COL19A1: variants seen among roughly 807,000 people sequenced by gnomAD.
The protein encoded by COL19A1 is collagen alpha-1(XIX) chain.
A neutral mutation model predicts 190.2 loss-of-function variants in COL19A1; 159 were observed. The observed-to-expected ratio is 0.84, with a 90% confidence interval of 0.73 to 0.95. COL19A1 has a LOEUF of 0.95. Ranked by LOEUF, COL19A1 falls within the 40% of genes least tolerant of loss-of-function variation. The pLI is 0.00. For synonymous variants in COL19A1, 509 were observed against 458.9 expected, an observed-to-expected ratio of 1.11 and a Z score of -1.39; for missense variants, 1,418 against 1,431.9, an observed-to-expected ratio of 0.99 and a Z score of 0.16.
chr6:70,137,220 T>C (rs1432374532), intron 18 of COL19A1, among the ~76,000 whole-genome samples: 1 of 152,118 alleles, frequency 6.6e-6, no homozygotes, highest in African/African-American at 2.4e-5. Flanking sequence ...TGGAAACAGC[T>C]GAGAGACTCG....
At chr6:69,984,187 G>A (rs1776193641) in intron 11 of COL19A1, among the ~76,000 whole-genome samples, 1 of 152,030 alleles carries the variant, frequency 6.6e-6, no homozygotes, top group Non-Finnish European at 1.5e-5. Flanking sequence ...GTGGTTATAA[G>A]GAGAACTACA....
Position 70,211,786 on chromosome 6 carries a change from T to C in COL19A1, c.*4512T>C, listed in dbSNP as rs189071078. ...AGAGTAACTGATCAATTTGGTTAAATTGAATGAAGAACCAAGTGAACACAG... is the reference window on the plus strand; with the variant it reads ...AGAGTAACTGATCAATTTGGTTAAACTGAATGAAGAACCAAGTGAACACAG... On this transcript the variant is annotated 3_prime_UTR_variant, in exon 51 of 51. Coordinates refer to ENST00000620364, the MANE Select transcript of COL19A1 (RefSeq NM_001858.6). Among the ~76,000 whole-genome samples the C allele has an allele frequency of 2.6e-3, 392 of 152,036 alleles. 2 individuals are homozygous for C. Among genetic ancestry groups the C allele is most frequent in the South Asian group, 0.019 (92 of 4,806 alleles).
At chr6:70,033,266 A>G (rs1033294917) in intron 12 of COL19A1, among the ~76,000 whole-genome samples, 6 of 152,080 alleles carry the variant, frequency 3.9e-5, no homozygotes, top group Non-Finnish European at 5.9e-5. Flanking sequence ...TGTTGAGTAC[A>G]GGTGATGGCA....
At chr6:70,142,656 T>A in intron 22 of COL19A1, 111 bp from the exon 23 acceptor site, 1 of 842,642 alleles carries the variant, frequency 1.2e-6, no homozygotes, top group Non-Finnish European at 1.8e-6. Context: ...TGGTGGAAAG[T>A]TGGTCTTCCT....
chr6:70,168,692 T>C lies in COL19A1; in HGVS notation c.2568+11T>C, dbSNP rs374178475. On this transcript the variant is annotated intron_variant, in intron 40 of 50. Coordinates refer to ENST00000620364, the MANE Select transcript of COL19A1 (RefSeq NM_001858.6). ...GATCCTGGCCCAGTGGTATGAATGT[T>C]CCCATGTTTTGTGTCATTTAGAATA... 5 of 1,612,688 alleles carry C rather than the reference T, an allele frequency of 3.1e-6. No homozygotes were observed. The highest frequency in any genetic ancestry group is 2.7e-5 in the African/African-American group (2 of 74,874).
At chr6:70,132,089 G>A (rs2093376) in intron 18 of COL19A1, among the ~76,000 whole-genome samples, 42,325 of 152,018 alleles carry the variant, frequency 0.28, 6,724 homozygotes, top group African/African-American at 0.42. Flanking sequence ...ACAGGAAATT[G>A]CCAATAAACA....
intron 11 of COL19A1, among the ~76,000 whole-genome samples, chr6:69,997,712 A>C (rs1777003815): frequency 6.6e-6 from 1 of 152,156 alleles, no homozygotes; most frequent in Admixed American, 6.5e-5. Context: ...GAAAAATAAT[A>C]ATGAAAAATG....
intron 46 of COL19A1, among the ~76,000 whole-genome samples, chr6:70,185,955 C>T (rs1007394618): frequency 1.3e-5 from 2 of 152,118 alleles, no homozygotes; most frequent in African/African-American, 2.4e-5. Flanking sequence ...GATATTTGTA[C>T]GTATTTCCAT....
chr6:69,885,055 G>A (rs997816550), intron 2 of COL19A1, among the ~76,000 whole-genome samples: 33 of 151,986 alleles, frequency 2.2e-4, no homozygotes, highest in African/African-American at 7.7e-4. Context: ...GTAGAGATGG[G>A]GTTTCACCAT....
intron 12 of COL19A1, among the ~76,000 whole-genome samples, chr6:70,030,880 C>A (rs1291598737): frequency 6.6e-6 from 1 of 152,170 alleles, no homozygotes; most frequent in East Asian, 1.9e-4. Context: ...CAAGCCTGTC[C>A]CAGCCATCCT....
chr6:70,045,555 C>T (rs1310828100), intron 14 of COL19A1, among the ~76,000 whole-genome samples: 1 of 152,216 alleles, frequency 6.6e-6, no homozygotes, highest in African/African-American at 2.4e-5. Flanking sequence ...TGGCTTGACT[C>T]GCATAGCAAA....
chr6:70,008,633 A>G (rs1476477891), intron 11 of COL19A1, among the ~76,000 whole-genome samples: 1 of 151,868 alleles, frequency 6.6e-6, no homozygotes. Flanking sequence ...CCAATCCTAC[A>G]CATAATTTTT....
intron 11 of COL19A1, among the ~76,000 whole-genome samples, chr6:70,013,684 G>A (rs1172679287): frequency 9.7e-5 from 1 of 10,306 alleles, no homozygotes; most frequent in Non-Finnish European, 1.3e-4. Flanking sequence ...TCTCTGAATC[G>A]ACCAATAACA....
At chr6:69,927,146 T>A (rs1235769748) in intron 4 of COL19A1, among the ~76,000 whole-genome samples, 1 of 152,132 alleles carries the variant, frequency 6.6e-6, no homozygotes, top group African/African-American at 2.4e-5. Flanking sequence ...AACTAGACAG[T>A]AACTCAAATC....
chr6:69,963,385 G>T (rs1226015804), intron 11 of COL19A1, among the ~76,000 whole-genome samples: 1 of 152,172 alleles, frequency 6.6e-6, no homozygotes, highest in East Asian at 1.9e-4. Context: ...AAACCATAGG[G>T]ATTGTGCAGT....
chr6:69,973,581 A>G (rs1230396556), intron 11 of COL19A1, among the ~76,000 whole-genome samples: 1 of 151,892 alleles, frequency 6.6e-6, no homozygotes, highest in Non-Finnish European at 1.5e-5. Context: ...GTTTATACAC[A>G]CAGGGTTTTT....
chr6:69,987,054 G>A (rs755367712), intron 11 of COL19A1, among the ~76,000 whole-genome samples: 7 of 152,086 alleles, frequency 4.6e-5, no homozygotes, highest in Non-Finnish European at 8.8e-5. Context: ...CCGAGTAGCT[G>A]GGACTACAGG....
chr6:69,965,926 A>G (rs946922764), intron 11 of COL19A1, among the ~76,000 whole-genome samples: 2 of 152,108 alleles, frequency 1.3e-5, no homozygotes, highest in Admixed American at 6.5e-5. Context: ...TTCTCTCTCT[A>G]TATAGGAGTA....
At chr6:69,978,497 C>T (rs138983678) in intron 11 of COL19A1, among the ~76,000 whole-genome samples, 9 of 151,672 alleles carry the variant, frequency 5.9e-5, no homozygotes, top group Admixed American at 1.3e-4. Context: ...TCAATAACCC[C>T]GGAACCAAAG....
Sources: allele counts gnomAD v4.1 joint callset (sites outside exome capture counted in the v4.1 genomes callset), GRCh38; gene constraint gnomAD v4.1.1; transcripts MANE v1.5; gene names NCBI Gene and HGNC (gene_info 2026-07-23, HGNC 2026-07-21).